SOAT1: variants seen among roughly 807,000 people sequenced by gnomAD.
SOAT1 encodes acyl-coenzyme A:cholesterol acyltransferase 1.
Under a neutral mutation model 69.5 loss-of-function variants are expected in SOAT1, and 55 were observed. That is an observed-to-expected ratio of 0.79 (90% CI 0.64 to 0.99). The LOEUF (loss-of-function observed/expected upper bound fraction) is 0.99, where lower values mean the gene tolerates loss of function less well. SOAT1 is among the 50% of genes least tolerant of loss of function. SOAT1 has a pLI of 0.00. For synonymous variants in SOAT1, 231 were observed against 224.7 expected (o/e 1.03, Z -0.25); for missense variants, 580 against 669.3 (o/e 0.87, Z 1.47).
At chr1:179,313,937 G>C (rs541191683) in intron 2 of SOAT1, among the ~76,000 whole-genome samples, 2 of 152,268 alleles carry the variant, frequency 1.3e-5, no homozygotes, top group South Asian at 4.1e-4. Context: ...TGGTGGCCTA[G>C]AAAGTAAGTA....
At chr1:179,304,840 G>A (rs1156911724) in intron 2 of SOAT1, among the ~76,000 whole-genome samples, 1 of 151,308 alleles carries the variant, frequency 6.6e-6, no homozygotes, top group Non-Finnish European at 1.5e-5. Flanking sequence ...TAGAGTTGGG[G>A]CTTCAACATG....
intron 11 of SOAT1, among the ~76,000 whole-genome samples, chr1:179,346,529 A>G (rs980873836): frequency 6.6e-6 from 1 of 152,228 alleles, no homozygotes; most frequent in East Asian, 1.9e-4. Flanking sequence ...GGATGGATGC[A>G]AGGGCATGGA....
chr1:179,342,806 T>C, intron 8 of SOAT1, 56 bp from the exon 9 acceptor site: 3 of 1,263,736 alleles, frequency 2.4e-6, no homozygotes, highest in Non-Finnish European at 3.5e-6. Context: ...CCCCCCTGTA[T>C]TTTTGCTGTG....
chr1:179,342,793 A>AT, intron 8 of SOAT1, 69 bp from the exon 9 acceptor site: 1 of 1,091,686 alleles, frequency 9.2e-7, no homozygotes, highest in Non-Finnish European at 1.4e-6. Context: ...GCTTCCTTAT[A>AT]TTCCCCCCTG....
At chr1:179,334,128 T>A (rs1666066413) in intron 3 of SOAT1, among the ~76,000 whole-genome samples, 2 of 152,224 alleles carry the variant, frequency 1.3e-5, no homozygotes. Flanking sequence ...TTAGAAGTCT[T>A]ATTGAGAACT....
intron 7 of SOAT1, 21 bp downstream of exon 7, chr1:179,341,331 C>A: frequency 6.2e-7 from 1 of 1,604,698 alleles, no homozygotes; most frequent in African/African-American, 1.3e-5. Flanking sequence ...AAGTGTTACC[C>A]AAGGCGATGC....
intron 3 of SOAT1, among the ~76,000 whole-genome samples, chr1:179,332,066 C>G (rs1445320684): frequency 6.6e-6 from 1 of 151,886 alleles, no homozygotes; most frequent in Admixed American, 6.6e-5. Flanking sequence ...TTTTTTCTTT[C>G]AGCATACTTT....
At chr1:179,329,500 C>T (rs867798862) in intron 3 of SOAT1, among the ~76,000 whole-genome samples, 40 of 151,980 alleles carry the variant, frequency 2.6e-4, no homozygotes, top group Non-Finnish European at 5.4e-4. Context: ...TTGAGGCTGG[C>T]GGATCACATG....
At chr1:179,316,751 C>T (rs1009406840) in intron 2 of SOAT1, among the ~76,000 whole-genome samples, 8 of 152,168 alleles carry the variant, frequency 5.3e-5, no homozygotes, top group African/African-American at 1.7e-4. Context: ...ATTTGTGTCT[C>T]TCAACAGTTC....
At chr1:179,333,708 C>T (rs1225701229) in intron 3 of SOAT1, among the ~76,000 whole-genome samples, 4 of 152,050 alleles carry the variant, frequency 2.6e-5, no homozygotes, top group Non-Finnish European at 5.9e-5. Flanking sequence ...TGGTGCATAC[C>T]TATAATCCTA....
chr1:179,304,534 TC>T (rs1664940066), intron 2 of SOAT1, among the ~76,000 whole-genome samples: 2 of 151,922 alleles, frequency 1.3e-5, no homozygotes, highest in Admixed American at 1.3e-4. Flanking sequence ...AACCTTAGCC[TC>T]CCAAAGTGCT....
chr1:179,333,802 TA>T (rs10716718), intron 3 of SOAT1, among the ~76,000 whole-genome samples: 74,889 of 149,640 alleles, frequency 0.5, 19,567 homozygotes, highest in East Asian at 0.84. Flanking sequence ...CGTTGCCCTC[TA>T]GCCTGGGCAA....
rs1666967317 is a variant in SOAT1, at chr1:179,358,129, T to C, written c.*4488T>C. On this transcript the variant is annotated 3_prime_UTR_variant, in exon 16 of 16. Coordinates refer to ENST00000367619, the MANE Select transcript of SOAT1 (RefSeq NM_003101.6). ...ATCTATATAGTGTACTAAATCCTTA[T>C]ATGTTTTTGGTAAAAAAAGACTTTA... 1 of 152,206 alleles carries C rather than the reference T, an allele frequency of 6.6e-6. No homozygotes were observed. 9.4% of individuals were successfully genotyped at this position (152,206 alleles called of 1,614,324 possible).
chr1:179,330,981 G>T (rs1462395470), intron 3 of SOAT1, among the ~76,000 whole-genome samples: 1 of 152,094 alleles, frequency 6.6e-6, no homozygotes, highest in Non-Finnish European at 1.5e-5. Context: ...TAGAAATCAG[G>T]GATTCTAGTA....
chr1:179,331,510 G>A (rs1244739478), intron 3 of SOAT1, among the ~76,000 whole-genome samples: 2 of 152,202 alleles, frequency 1.3e-5, no homozygotes, highest in Non-Finnish European at 2.9e-5. Flanking sequence ...GGCCAAGGCA[G>A]GCAGATCATT....
intron 15 of SOAT1, among the ~76,000 whole-genome samples, chr1:179,353,023 A>G (rs1005217392): frequency 2.0e-5 from 3 of 148,400 alleles, no homozygotes; most frequent in Admixed American, 7.0e-5. Context: ...TCCTCCTTTG[A>G]TAGTTCAGTA....
At chr1:179,299,450 C>T (rs1664758084) in intron 1 of SOAT1, among the ~76,000 whole-genome samples, 1 of 152,048 alleles carries the variant, frequency 6.6e-6, no homozygotes, top group South Asian at 2.1e-4. Context: ...AGCTGTGATT[C>T]TTTGAAGGCT....
intron 9 of SOAT1, 92 bp from the exon 10 acceptor site, chr1:179,343,498 C>T (rs1571451189): frequency 3.5e-5 from 39 of 1,118,032 alleles, no homozygotes; most frequent in Non-Finnish European, 4.6e-5. Context: ...TGTGAGCCAC[C>T]GCGCCTGACC....
At chr1:179,327,723 T>G (rs1186209435) in intron 3 of SOAT1, among the ~76,000 whole-genome samples, 1 of 152,160 alleles carries the variant, frequency 6.6e-6, no homozygotes, top group Non-Finnish European at 1.5e-5. Context: ...AAGTTAGATG[T>G]GTAGATAGAG....
Sources: gnomAD v4.1 joint callset for allele counts (sites outside exome capture counted in the v4.1 genomes callset) on GRCh38, gnomAD v4.1.1 for gene constraint, MANE v1.5 for transcripts, NCBI Gene and HGNC (gene_info 2026-07-23, HGNC 2026-07-21) for gene names.